Variants in KIF25 observed in about 807,000 individuals in gnomAD.
KIF25 encodes the protein kinesin-like protein KIF25.
Under a neutral mutation model 32.9 loss-of-function variants are expected in KIF25, and 19 were observed. The observed-to-expected ratio is 0.58, with a 90% CI of 0.40 to 0.85. KIF25 has a LOEUF of 0.85. KIF25 is among the 40% of genes least tolerant of loss of function. KIF25 has a pLI of 0.00. For synonymous variants in KIF25, 225 were observed against 213.7 expected (o/e 1.05, Z -0.46); for missense variants, 485 against 507.0 (o/e 0.96, Z 0.42).
intron 4 of KIF25, among the ~76,000 whole-genome samples, chr6:168,005,462 C>T (rs1430132118): frequency 1.3e-5 from 2 of 152,216 alleles, no homozygotes. Context: ...AAGGCGAGGG[C>T]TGTGCTAACA....
chr6:168,023,046 C>G (rs1049758294), intron 5 of KIF25, among the ~76,000 whole-genome samples: 12 of 152,074 alleles, frequency 7.9e-5, no homozygotes, highest in Non-Finnish European at 1.8e-4. Context: ...TCTGGACCCC[C>G]TTTTCAGGGA....
chr6:168,020,216 A>G (rs1798770934), intron 5 of KIF25, among the ~76,000 whole-genome samples: 1 of 152,238 alleles, frequency 6.6e-6, no homozygotes, highest in Non-Finnish European at 1.5e-5. Context: ...ACTCAGGGTC[A>G]GACATGAAAA....
intron 7 of KIF25, among the ~76,000 whole-genome samples, chr6:168,032,496 C>T (rs958527566): frequency 6.6e-6 from 1 of 152,208 alleles, no homozygotes; most frequent in Admixed American, 6.5e-5. Context: ...GGAAGGAAAA[C>T]TCACAGGATG....
intron 5 of KIF25, among the ~76,000 whole-genome samples, chr6:168,024,017 A>G (rs892353905): frequency 6.7e-6 from 1 of 149,724 alleles, no homozygotes; most frequent in Non-Finnish European, 1.5e-5. Context: ...AAATCTCACT[A>G]TGAATACTCA....
chr6:168,028,029 C>G (rs1042921258), intron 5 of KIF25, among the ~76,000 whole-genome samples: 4 of 151,994 alleles, frequency 2.6e-5, no homozygotes, highest in Non-Finnish European at 4.4e-5. Flanking sequence ...CCAGAAGAAC[C>G]CCCCTGTGGA....
intron 5 of KIF25, among the ~76,000 whole-genome samples, chr6:168,020,317 T>C (rs977473900): frequency 1.3e-5 from 2 of 151,872 alleles, no homozygotes; most frequent in African/African-American, 2.4e-5. Context: ...CCATCCAGAG[T>C]TCTGTGCCAG....
intron 4 of KIF25, among the ~76,000 whole-genome samples, chr6:168,015,450 T>C (rs2114878519): frequency 6.6e-6 from 1 of 152,300 alleles, no homozygotes; most frequent in East Asian, 1.9e-4. Context: ...GGAAAACAGT[T>C]TTTACTGATC....
intron 5 of KIF25, among the ~76,000 whole-genome samples, chr6:168,023,848 GAC>G (rs1306548187): frequency 2.0e-5 from 3 of 152,242 alleles, no homozygotes; most frequent in Non-Finnish European, 4.4e-5. Flanking sequence ...GTGCTTCAGA[GAC>G]AGTGCACTTT....
intron 5 of KIF25, among the ~76,000 whole-genome samples, chr6:168,018,312 A>G (rs558260102): frequency 1.3e-5 from 2 of 152,292 alleles, no homozygotes; most frequent in South Asian, 4.1e-4. Context: ...AACAGTCAAC[A>G]CTTTAGTGTA....
rs186197585 is a variant in KIF25, at chr6:167,998,839, G to A, written c.-630G>A. The A allele has an allele frequency of 1.3e-5, 2 of 152,282 alleles. No homozygotes were observed. The highest frequency in any genetic ancestry group is 1.3e-4 in the Admixed American group (2 of 15,298). The allele number at this position is 152,282 out of a possible 1,614,324, so 9.4% of individuals were successfully genotyped here. On this transcript the variant is annotated 5_prime_UTR_variant, in exon 1 of 13. Coordinates refer to ENST00000643607, the MANE Select transcript of KIF25 (RefSeq NM_030615.4). ...GGCCGAGGCGGGCGCATTACCTGAG[G>A]TCAGGAGTTCGAGACCAGCTTGGCC...
At chr6:168,032,157 C>T (rs1031644509) in intron 7 of KIF25, among the ~76,000 whole-genome samples, 2 of 152,208 alleles carry the variant, frequency 1.3e-5, no homozygotes, top group African/African-American at 2.4e-5. Flanking sequence ...TGCAGGGTAT[C>T]GTGAGGCCTG....
At chr6:168,027,358 C>A (rs955983683) in intron 5 of KIF25, among the ~76,000 whole-genome samples, 2 of 147,590 alleles carry the variant, frequency 1.4e-5, no homozygotes, top group Non-Finnish European at 3.0e-5. Flanking sequence ...GAGGCTGAGG[C>A]AGGGAGAATC....
intron 5 of KIF25, among the ~76,000 whole-genome samples, chr6:168,021,767 A>T (rs77491620): frequency 6.6e-6 from 1 of 152,198 alleles, no homozygotes; most frequent in Non-Finnish European, 1.5e-5. Context: ...TGTGCATTTT[A>T]TCGAAGTCTG....
At chr6:168,038,828 C>T in intron 9 of KIF25, 99 bp downstream of exon 9, 1 of 1,242,770 alleles carries the variant, frequency 8.0e-7, no homozygotes, top group East Asian at 2.5e-5. Context: ...AACGAGCTCC[C>T]CACGCCCAAG....
chr6:168,012,530 C>G (rs988861658), intron 4 of KIF25, among the ~76,000 whole-genome samples: 1 of 152,184 alleles, frequency 6.6e-6, no homozygotes, highest in African/African-American at 2.4e-5. Flanking sequence ...TCGGGATACA[C>G]ACATGCACAC....
chr6:168,043,562 G>A (rs975373588), intron 12 of KIF25, among the ~76,000 whole-genome samples: 6 of 152,196 alleles, frequency 3.9e-5, no homozygotes, highest in Non-Finnish European at 7.3e-5. Flanking sequence ...TCCTCCACAC[G>A]GTGAATAACA....
At chr6:168,033,177 G>A (rs552547258) in intron 7 of KIF25, among the ~76,000 whole-genome samples, 62 of 152,190 alleles carry the variant, frequency 4.1e-4, no homozygotes, top group African/African-American at 1.4e-3. Context: ...CCTCAAAGTC[G>A]CTTCCAATTA....
chr6:168,001,842 CT>C (rs1423039327), intron 2 of KIF25, among the ~76,000 whole-genome samples: 28 of 78,774 alleles, frequency 3.6e-4, no homozygotes, highest in African/African-American at 1.1e-3. Context: ...GAGAAGACAC[CT>C]TCAGGCGTAG....
chr6:168,004,576 A>G (rs547759087), intron 4 of KIF25, among the ~76,000 whole-genome samples: 2 of 152,314 alleles, frequency 1.3e-5, no homozygotes, highest in African/African-American at 2.4e-5. Flanking sequence ...AATAAACTCA[A>G]CAAATGATAA....
Sources: gnomAD v4.1 joint callset for allele counts (sites outside exome capture counted in the v4.1 genomes callset) on GRCh38, gnomAD v4.1.1 for gene constraint, MANE v1.5 for transcripts, NCBI Gene and HGNC (gene_info 2026-07-23, HGNC 2026-07-21) for gene names.